Variants in COL4A2 observed in about 807,000 individuals in gnomAD.
The protein encoded by COL4A2 is collagen alpha-2(IV) chain.
Under a neutral mutation model 200.2 loss-of-function variants are expected in COL4A2, and 99 were observed. The ratio of observed to expected loss-of-function variants is 0.49; its 90% CI spans 0.42 to 0.58. COL4A2 has a LOEUF of 0.58. Among genes scored for constraint, COL4A2 ranks in the 20% least tolerant of loss-of-function variants. The pLI, the probability that COL4A2 is intolerant of heterozygous loss-of-function variation, is 0.00. For synonymous variants in COL4A2, 897 were observed against 900.6 expected (o/e 1.00, Z 0.07); for missense variants, 1,950 against 2,314.1 (o/e 0.84, Z 3.23).
intron 3 of COL4A2, among the ~76,000 whole-genome samples, chr13:110,323,345 G>A (rs1466836837): frequency 6.6e-6 from 1 of 152,208 alleles, no homozygotes; most frequent in Admixed American, 6.5e-5. Context: ...GAGGAGGAGC[G>A]CATCCACAGG....
At chr13:110,394,975 T>C (rs2139425617) in intron 4 of COL4A2, among the ~76,000 whole-genome samples, 1 of 152,368 alleles carries the variant, frequency 6.6e-6, no homozygotes, top group South Asian at 2.1e-4. Context: ...AGCTTCTTGC[T>C]GGAGACACAT....
rs62621875 is a variant in COL4A2, at chr13:110,491,334, C to A, written c.3448C>A (p.Gln1150Lys). The change falls in exon 37 of 48, where the codon CAA (glutamine) becomes AAA (lysine). Residue 1150 changes from glutamine to lysine, a missense_variant. This residue lies in a region of COL4A2 where 1,385 missense variants were observed against 1,720.5 expected (regional missense o/e 0.80). Coordinates refer to ENST00000360467, the MANE Select transcript of COL4A2 (RefSeq NM_001846.4). ...GVQGPPGLKG[Q>K]TGFPGLTGPP... ...CCAAGGCCCTCCTGGACTTAAAGGA[C>A]AAACAGGTAAAATCTCCCGCAGCCA... 1.6e-3 allele frequency: 2,518 copies of A among 1,580,738 alleles called. 28 individuals carry two copies. The African/African-American group carries it at 0.027, about 17-fold the overall frequency.
intron 3 of COL4A2, among the ~76,000 whole-genome samples, chr13:110,332,171 T>G (rs1875948054): frequency 6.6e-6 from 1 of 152,192 alleles, no homozygotes; most frequent in African/African-American, 2.4e-5. Flanking sequence ...TTATACTGTC[T>G]AGAATATATT....
At chr13:110,353,398 A>G (rs1477723104) in intron 3 of COL4A2, among the ~76,000 whole-genome samples, 5 of 152,166 alleles carry the variant, frequency 3.3e-5, no homozygotes, top group Non-Finnish European at 5.9e-5. Flanking sequence ...ATGAAGGGAT[A>G]GGCTGGAGGG....
intron 4 of COL4A2, among the ~76,000 whole-genome samples, chr13:110,380,668 C>G (rs972869859): frequency 2.6e-5 from 4 of 151,616 alleles, no homozygotes; most frequent in African/African-American, 9.7e-5. Flanking sequence ...CACCCACGGG[C>G]TCTATTTCAC....
Position 110,512,123 on chromosome 13 carries a change from G to C in COL4A2, c.5071G>C (p.Asp1691His). 2 of 1,613,472 alleles carry C rather than the reference G, an allele frequency of 1.2e-6. No homozygotes were observed. Among genetic ancestry groups the C allele is most frequent in the Non-Finnish European group, 1.7e-6 (2 of 1,180,034 alleles). The change falls in exon 48 of 48, where the codon GAC (aspartate) becomes CAC (histidine). Residue 1691 changes from aspartate to histidine, a missense_variant. Physicochemically the swap from Asp to His is moderately conservative, Grantham distance 81. Around this residue, in one of 2 missense-constraint regions of COL4A2, gnomAD observed 1,385 missense variants for 1,720.5 expected, o/e 0.80. Coordinates refer to ENST00000360467, the MANE Select transcript of COL4A2 (RefSeq NM_001846.4). Reference sequence around the variant, plus strand: ...GAGCTTCCAGGGCTCGCCCTCCGCCGACACGCTCAAGGCCGGCCTCATCCG... The same window carrying C: ...GAGCTTCCAGGGCTCGCCCTCCGCCCACACGCTCAAGGCCGGCCTCATCCG... ...EQSFQGSPSADTLKAGLIRTH... is the reference protein window; with the variant it reads ...EQSFQGSPSAHTLKAGLIRTH...
chr13:110,358,327 A>G (rs1877374276), intron 4 of COL4A2, among the ~76,000 whole-genome samples: 1 of 152,226 alleles, frequency 6.6e-6, no homozygotes, highest in Non-Finnish European at 1.5e-5. Flanking sequence ...TTGTCCCACC[A>G]GAAGGTCTTC....
chr13:110,368,089 G>A (rs534862337), intron 4 of COL4A2, among the ~76,000 whole-genome samples: 1 of 152,300 alleles, frequency 6.6e-6, no homozygotes, highest in South Asian at 2.1e-4. Flanking sequence ...TTCGAAGAAT[G>A]ATAGAATTAT....
intron 3 of COL4A2, among the ~76,000 whole-genome samples, chr13:110,333,942 G>A (rs960303976): frequency 1.3e-5 from 2 of 152,208 alleles, no homozygotes; most frequent in African/African-American, 2.4e-5. Context: ...TCATCTCACA[G>A]ACAAAGAAAC....
chr13:110,395,671 G>A (rs922993276), intron 4 of COL4A2, among the ~76,000 whole-genome samples: 2 of 152,194 alleles, frequency 1.3e-5, no homozygotes, highest in African/African-American at 2.4e-5. Context: ...CTGGCAGGGC[G>A]CAGTGGCTCA....
chr13:110,462,959 A>G (rs902119221), intron 24 of COL4A2: 7 of 154,746 alleles, frequency 4.5e-5, no homozygotes, highest in African/African-American at 1.7e-4. Context: ...GGACCTTGCA[A>G]CCTTATTTCT....
intron 4 of COL4A2, among the ~76,000 whole-genome samples, chr13:110,370,550 C>T (rs540193753): frequency 2.0e-5 from 3 of 152,316 alleles, no homozygotes; most frequent in Admixed American, 6.5e-5. Context: ...CCACCGTGCA[C>T]AGCTTTGTAT....
At chr13:110,385,053 A>G (rs1033239116) in intron 4 of COL4A2, among the ~76,000 whole-genome samples, 1 of 152,168 alleles carries the variant, frequency 6.6e-6, no homozygotes, top group Non-Finnish European at 1.5e-5. Context: ...TCACGAGGTC[A>G]GGAGATCGAG....
chr13:110,387,865 G>C (rs1011843430), intron 4 of COL4A2, among the ~76,000 whole-genome samples: 1 of 152,210 alleles, frequency 6.6e-6, no homozygotes, highest in South Asian at 2.1e-4. Context: ...GACCTGCCCT[G>C]GCTTGGCTGT....
In COL4A2 at chr13:110,508,341, A is replaced by G; in HGVS notation, c.4881+120A>G. The G allele has an allele frequency of 6.7e-7, 1 of 1,493,138 alleles. No homozygotes were observed. The highest frequency in any genetic ancestry group is 9.1e-7 in the Non-Finnish European group (1 of 1,101,748). The allele number at this position is 1,493,138 out of a possible 1,614,324, so 92.5% of individuals were successfully genotyped here. A position where few individuals can be genotyped will look rare whatever the true frequency, so the allele number is the denominator to read the frequency against. ...TCCAGGGTGTGCACTGCACAAGGGT[A>G]GTTGGCCCAGGAAGCGAGCGAGAGC... On this transcript the variant is annotated intron_variant, in intron 47 of 47. Coordinates refer to ENST00000360467, the MANE Select transcript of COL4A2 (RefSeq NM_001846.4). The surrounding 1 kb of genome is among the most constrained non-coding windows in gnomAD (Gnocchi z 6.1).
At chr13:110,441,479 A>G (rs750587007) in intron 16 of COL4A2, among the ~76,000 whole-genome samples, 17 of 152,348 alleles carry the variant, frequency 1.1e-4, no homozygotes, top group Admixed American at 2.0e-4. Flanking sequence ...AACTCAGCCC[A>G]GGGAGCCAAT....
At chr13:110,329,610 A>T (rs1875811318) in intron 3 of COL4A2, among the ~76,000 whole-genome samples, 1 of 152,200 alleles carries the variant, frequency 6.6e-6, no homozygotes, top group Non-Finnish European at 1.5e-5. Flanking sequence ...AATACAGACA[A>T]AGGAAAAATG....
chr13:110,310,350 G>A (rs1036062117), intron 3 of COL4A2, among the ~76,000 whole-genome samples: 10 of 152,154 alleles, frequency 6.6e-5, no homozygotes, highest in South Asian at 2.1e-4. Context: ...CCGGGACTCC[G>A]CCTCCCCACA....
intron 19 of COL4A2, 70 bp from the exon 20 acceptor site, chr13:110,450,235 G>A: frequency 7.0e-7 from 1 of 1,428,736 alleles, no homozygotes; most frequent in Non-Finnish European, 9.7e-7. Flanking sequence ...GGGCCCCTCT[G>A]GACACGAACA....
Sources: gnomAD v4.1 joint callset for allele counts (sites outside exome capture counted in the v4.1 genomes callset) on GRCh38, gnomAD v4.1.1 for gene constraint, gnomAD v4.1.1 regional missense constraint, Gnocchi (gnomAD v3.1) non-coding constraint, MANE v1.5 for transcripts, NCBI Gene and HGNC (gene_info 2026-07-23, HGNC 2026-07-21) for gene names.